The following FLVCR2 variants were observed in gnomAD, a reference collection of about 807,000 sequenced individuals.
The protein encoded by FLVCR2 is choline/ethanolamine transporter FLVCR2.
FLVCR2 carries 38 observed loss-of-function variants against 48.9 expected under a neutral mutation model. That is an observed-to-expected ratio of 0.78 (90% CI 0.60 to 1.02). The LOEUF (loss-of-function observed/expected upper bound fraction) is 1.02. Ranked by LOEUF, FLVCR2 falls within the 50% of genes least tolerant of loss-of-function variation. The pLI is 0.00. For missense variants in FLVCR2, 664 were observed against 663.3 expected (o/e 1.00, Z -0.01); for synonymous variants, 255 against 257.0 (o/e 0.99, Z 0.07).
chr14:75,596,107 T>C (rs1444730834), intron 1 of FLVCR2: 2 of 984,928 alleles, frequency 2.0e-6, no homozygotes, highest in Non-Finnish European at 3.2e-6. Context: ...TTAGGCACTG[T>C]TGCCTTCCCA....
chr14:75,640,258 CAAA>C (rs11453901), intron 6 of FLVCR2, among the ~76,000 whole-genome samples: 1 of 97,622 alleles, frequency 1.0e-5, no homozygotes, highest in Non-Finnish European at 1.9e-5. Context: ...GACTCCGTCT[CAAA>C]AAAAAAAAAA....
Position 75,633,770 on chromosome 14 carries a change from T to C in FLVCR2, c.1020+74T>C, listed in dbSNP as rs114384838. 1.0e-3 allele frequency: 1,187 copies of C among 1,180,610 alleles called. 9 individuals carry two copies. The African/African-American group carries it at 0.016, about 16-fold the overall frequency. 73.1% of individuals were successfully genotyped at this position (1,180,610 alleles called of 1,614,324 possible). Reference sequence around the variant, plus strand: ...AAGTCTGTCTTGGCAGGACCTGGGATGACCGTTAAGTCTTCATTCCCCCCA... The same window carrying C: ...AAGTCTGTCTTGGCAGGACCTGGGACGACCGTTAAGTCTTCATTCCCCCCA... On this transcript the variant is annotated intron_variant, in intron 4 of 9. Coordinates refer to ENST00000238667, the MANE Select transcript of FLVCR2 (RefSeq NM_017791.3).
intron 3 of FLVCR2, among the ~76,000 whole-genome samples, chr14:75,633,401 T>C (rs1345537289): frequency 6.6e-6 from 1 of 152,178 alleles, no homozygotes; most frequent in Non-Finnish European, 1.5e-5. Flanking sequence ...AGCAATAGTG[T>C]GTGGCTAAGG....
chr14:75,611,935 C>T (rs1016633890), intron 1 of FLVCR2, among the ~76,000 whole-genome samples: 4 of 152,254 alleles, frequency 2.6e-5, no homozygotes, highest in Middle Eastern at 6.8e-3. Flanking sequence ...TTAAGACCAG[C>T]GCCTTTAACC....
chr14:75,582,108 CAT>C (rs1888624960), intron 1 of FLVCR2, among the ~76,000 whole-genome samples: 1 of 152,162 alleles, frequency 6.6e-6, no homozygotes, highest in South Asian at 2.1e-4. Flanking sequence ...CTTTAGCTAC[CAT>C]ATCAGCATAA....
At chr14:75,622,465 G>C (rs1889790557) in intron 2 of FLVCR2, among the ~76,000 whole-genome samples, 1 of 152,138 alleles carries the variant, frequency 6.6e-6, no homozygotes, top group Non-Finnish European at 1.5e-5. Flanking sequence ...CAGTTCCCCA[G>C]TCCTACCTCA....
chr14:75,596,600 A>G (rs545893749), intron 1 of FLVCR2, among the ~76,000 whole-genome samples: 1 of 152,252 alleles, frequency 6.6e-6, no homozygotes, highest in East Asian at 1.9e-4. Context: ...TGAAATCTGT[A>G]TTTTGTAATC....
intron 1 of FLVCR2, among the ~76,000 whole-genome samples, chr14:75,588,939 G>T (rs1385924676): frequency 6.6e-6 from 1 of 152,108 alleles, no homozygotes; most frequent in East Asian, 1.9e-4. Context: ...CCAAATTCTA[G>T]AGTCTCACCT....
At chr14:75,616,631 G>A (rs1889624952) in intron 1 of FLVCR2, among the ~76,000 whole-genome samples, 1 of 152,220 alleles carries the variant, frequency 6.6e-6, no homozygotes, top group African/African-American at 2.4e-5. Context: ...ATGCCCAGGG[G>A]AGAGGAATGA....
intron 6 of FLVCR2, chr14:75,640,663 T>G (rs995173412): frequency 6.6e-6 from 3 of 454,258 alleles, no homozygotes; most frequent in Admixed American, 6.8e-5. Context: ...CAGGCATCCT[T>G]GCCCCTTCTG....
intron 4 of FLVCR2, 132 bp downstream of exon 4, chr14:75,633,828 TG>T (rs1295593289): frequency 1.3e-6 from 1 of 788,278 alleles, no homozygotes; most frequent in African/African-American, 1.7e-5. Context: ...GGTATGCTTA[TG>T]GGATTTGGAG....
chr14:75,600,971 A>G (rs780480556), intron 1 of FLVCR2, among the ~76,000 whole-genome samples: 2 of 152,192 alleles, frequency 1.3e-5, no homozygotes, highest in South Asian at 4.1e-4. Flanking sequence ...GGAGACCCTA[A>G]CCTAGCCGCG....
intron 1 of FLVCR2, among the ~76,000 whole-genome samples, chr14:75,611,564 C>T (rs1044624570): frequency 1.3e-5 from 2 of 151,914 alleles, no homozygotes; most frequent in African/African-American, 2.4e-5. Context: ...GGTGAAACCC[C>T]GTCTCTCCTA....
At chr14:75,587,586 A>T (rs1156479946) in intron 1 of FLVCR2, among the ~76,000 whole-genome samples, 1 of 152,206 alleles carries the variant, frequency 6.6e-6, no homozygotes, top group Non-Finnish European at 1.5e-5. Flanking sequence ...GAGCCTGGAG[A>T]ATACAACTGA....
At chr14:75,584,144 G>A (rs1888679213) in intron 1 of FLVCR2, among the ~76,000 whole-genome samples, 2 of 152,202 alleles carry the variant, frequency 1.3e-5, no homozygotes, top group African/African-American at 4.8e-5. Context: ...TTCGAAGCAA[G>A]GTCCACAAGG....
chr14:75,579,073 C>A lies in FLVCR2; in HGVS notation c.101C>A (p.Ser34Ter), dbSNP rs1888526321. 3 of 1,613,880 alleles carry A rather than the reference C, an allele frequency of 1.9e-6. No individual in the cohort carries two copies. Among genetic ancestry groups the A allele is most frequent in the African/African-American group, 2.7e-5 (2 of 74,896 alleles). The part of the protein sequence containing the change: ...DPSVSVHPSV[S>*]VHPSVSINPS... ...AGCGTCTCGGTCCATCCCAGCGTCTCGGTCCATCCCAGCGTCTCCATCAAC... is the reference window on the plus strand; with the variant it reads ...AGCGTCTCGGTCCATCCCAGCGTCTAGGTCCATCCCAGCGTCTCCATCAAC... Residue 34 changes from serine (S) to a stop codon, truncating the protein, a stop_gained, in exon 1 of 10, where the codon TCG (serine) becomes TAG (stop). Transcript: ENST00000238667. LOFTEE classifies it high-confidence loss of function.
rs1888519587 is a variant in FLVCR2, at chr14:75,578,884, T to C, written c.-89T>C. 1 of 1,256,518 alleles carries C rather than the reference T, an allele frequency of 8.0e-7. No individual in the cohort carries two copies. The highest frequency in any genetic ancestry group is 1.2e-6 in the Non-Finnish European group (1 of 862,980). 77.8% of individuals were successfully genotyped at this position (1,256,518 alleles called of 1,614,324 possible). On this transcript the variant is annotated 5_prime_UTR_variant, in exon 1 of 10. Transcript: ENST00000238667. The stretch of plus-strand genomic sequence containing the variant: ...TCTTCTGGAATAGGCAAGTGTCCTT[T>C]CAACTCTAAGAGACCAGCAGAGGCC...
chr14:75,634,139 C>T (rs935227494), intron 4 of FLVCR2, among the ~76,000 whole-genome samples: 2 of 152,060 alleles, frequency 1.3e-5, no homozygotes, highest in Non-Finnish European at 2.9e-5. Flanking sequence ...CCCACGAGGG[C>T]TGGGCTGGAT....
intron 1 of FLVCR2, among the ~76,000 whole-genome samples, chr14:75,584,893 T>C (rs1335396726): frequency 1.3e-5 from 2 of 152,234 alleles, no homozygotes; most frequent in South Asian, 2.1e-4. Context: ...AAAGGTCTGA[T>C]AGGCACATGT....
Sources: allele counts gnomAD v4.1 joint callset (sites outside exome capture counted in the v4.1 genomes callset), GRCh38; gene constraint gnomAD v4.1.1; transcripts MANE v1.5; gene names NCBI Gene and HGNC (gene_info 2026-07-23, HGNC 2026-07-21).